The following PIWIL2 variants were observed in gnomAD, a reference collection of about 807,000 sequenced individuals.
PIWIL2 encodes the protein piwi-like protein 2.
Under a neutral mutation model 116.5 loss-of-function variants are expected in PIWIL2, and 81 were observed. The observed-to-expected ratio is 0.70, with a 90% CI of 0.58 to 0.84. The LOEUF (loss-of-function observed/expected upper bound fraction) is 0.84, where lower values mean the gene tolerates loss of function less well. Ranked by LOEUF, PIWIL2 falls within the 40% of genes least tolerant of loss-of-function variation. PIWIL2 has a pLI of 0.00. For synonymous variants in PIWIL2, 489 were observed against 429.5 expected, an observed-to-expected ratio of 1.14 and a Z score of -1.71; for missense variants, 1,272 against 1,212.3, an observed-to-expected ratio of 1.05 and a Z score of -0.73.
At chr8:22,282,244 C>CTTTT (rs34130038) in intron 4 of PIWIL2, among the ~76,000 whole-genome samples, 3 of 33,568 alleles carry the variant, frequency 8.9e-5, no homozygotes, top group South Asian at 1.8e-3. Context: ...CCACACCCGG[C>CTTTT]TTTTTTTTTT....
rs767223031 is a variant in PIWIL2 at position 22,288,475 on chromosome 8, G to A, written c.862-67G>A. 3.8e-6 allele frequency: 5 copies of A among 1,322,116 alleles called. No homozygotes were observed. The South Asian group carries it at 6.5e-5, about 17-fold the overall frequency. 81.9% of individuals were successfully genotyped at this position (1,322,116 alleles called of 1,614,324 possible). A position where few individuals can be genotyped will look rare whatever the true frequency, so the allele number is the denominator to read the frequency against. Reference sequence around the variant, plus strand: ...TGTTCTTAAGAACACAGTTGAATTAGATTAGGACTTGGTCATTAGTTCTTA... The same window carrying A: ...TGTTCTTAAGAACACAGTTGAATTAAATTAGGACTTGGTCATTAGTTCTTA... On this transcript the variant is annotated intron_variant, in intron 7 of 22. Coordinates refer to ENST00000356766, the MANE Select transcript of PIWIL2 (RefSeq NM_018068.5).
In PIWIL2 at chr8:22,278,461, A is replaced by T. The variant is rs113934489; in HGVS notation, c.-46-880A>T. On this transcript the variant is annotated intron_variant, in intron 1 of 22. Coordinates refer to ENST00000356766, the MANE Select transcript of PIWIL2 (RefSeq NM_018068.5). ...CTTGAGCCCAGGAGGTCAAGGCTGC[A>T]GTGAGCCATGATCATGCCACTGCAC... Among the ~76,000 whole-genome samples, 34 of 152,176 alleles carry T rather than the reference A, an allele frequency of 2.2e-4. 1 individual carries two copies. The highest frequency in any genetic ancestry group is 3.4e-3 in the Middle Eastern group (1 of 294).
chr8:22,353,366 G>A (rs1050110523), intron 21 of PIWIL2, among the ~76,000 whole-genome samples, 154 bp downstream of exon 21: 1 of 152,098 alleles, frequency 6.6e-6, no homozygotes, highest in African/African-American at 2.4e-5. Context: ...AAATATTTAA[G>A]GGCCTGGCAT....
At chr8:22,307,796 A>C (rs1306266720) in intron 13 of PIWIL2, 137 bp from the exon 14 acceptor site, 1 of 626,028 alleles carries the variant, frequency 1.6e-6, no homozygotes, top group Non-Finnish European at 2.8e-6. Flanking sequence ...AGATATATTT[A>C]ATAAGTCCTT....
At chr8:22,308,810 G>C (rs1831253223) in intron 14 of PIWIL2, among the ~76,000 whole-genome samples, 1 of 152,050 alleles carries the variant, frequency 6.6e-6, no homozygotes, top group African/African-American at 2.4e-5. Flanking sequence ...CACCATGCCT[G>C]GCTAATTTTT....
intron 15 of PIWIL2, 80 bp downstream of exon 15, chr8:22,310,154 T>G (rs74853495): frequency 0.059 from 43,957 of 744,768 alleles, 1,694 homozygotes; most frequent in Admixed American, 0.11. Flanking sequence ...TGATCTAGAG[T>G]CTTCTTTTTT....
rs748484473 is a variant in PIWIL2 at position 22,314,308 on chromosome 8, A to G, written c.1990-20A>G. The G allele has an allele frequency of 1.4e-6, 2 of 1,405,762 alleles. No homozygotes were observed. Among genetic ancestry groups the G allele is most frequent in the Admixed American group, 2.1e-5 (1 of 46,688 alleles). The allele number at this position is 1,405,762 out of a possible 1,614,324, so 87.1% of individuals were successfully genotyped here. A position where few individuals can be genotyped will look rare whatever the true frequency, so the allele number is the denominator to read the frequency against. ...CAGAGAATTCCACAGCCTGACTTGT[A>G]TATACCTTATCTCCTCAAGGGGAAG... is the stretch of plus-strand genomic sequence containing the variant. On this transcript the variant is annotated intron_variant, in intron 16 of 22. Coordinates refer to ENST00000356766, the MANE Select transcript of PIWIL2 (RefSeq NM_018068.5).
intron 20 of PIWIL2, among the ~76,000 whole-genome samples, chr8:22,344,100 T>C (rs1832171729): frequency 6.6e-6 from 1 of 152,204 alleles, no homozygotes; most frequent in Admixed American, 6.5e-5. Context: ...TAAATACATA[T>C]TGCTCAGTGA....
intron 7 of PIWIL2, among the ~76,000 whole-genome samples, chr8:22,287,927 G>T (rs1440495012): frequency 6.6e-6 from 1 of 152,146 alleles, no homozygotes; most frequent in African/African-American, 2.4e-5. Flanking sequence ...TTTTAGGTTT[G>T]AATTCCTCAA....
intron 7 of PIWIL2, among the ~76,000 whole-genome samples, chr8:22,287,960 G>A (rs1045440183): frequency 1.3e-5 from 2 of 152,178 alleles, no homozygotes; most frequent in African/African-American, 2.4e-5. Context: ...CACATGAGAG[G>A]AATGGTTGGA....
intron 20 of PIWIL2, among the ~76,000 whole-genome samples, chr8:22,341,992 AAAAG>A (rs1175199904): frequency 0.011 from 1,615 of 152,094 alleles, 38 homozygotes; most frequent in African/African-American, 0.036. Flanking sequence ...AAAAAAAAAA[AAAAG>A]GTGAATTTTG....
chr8:22,283,661 G>A (rs759081827), intron 5 of PIWIL2, among the ~76,000 whole-genome samples: 6 of 152,040 alleles, frequency 3.9e-5, no homozygotes, highest in Non-Finnish European at 5.9e-5. Context: ...CACCCGCCTC[G>A]GCCTCCCAAG....
At chr8:22,326,204 C>G (rs1198038513) in intron 20 of PIWIL2, among the ~76,000 whole-genome samples, 1 of 150,364 alleles carries the variant, frequency 6.7e-6, no homozygotes, top group Non-Finnish European at 1.5e-5. Context: ...GTCCTGCTTG[C>G]TTGCTTTAAA....
intron 4 of PIWIL2, among the ~76,000 whole-genome samples, 178 bp downstream of exon 4, chr8:22,281,693 G>C (rs955756306): frequency 1.3e-5 from 2 of 151,808 alleles, no homozygotes; most frequent in African/African-American, 4.8e-5. Flanking sequence ...CATTGGAAAA[G>C]GGTAAGAAGT....
At chr8:22,341,522 G>A (rs527256794) in intron 20 of PIWIL2, among the ~76,000 whole-genome samples, 43 of 150,174 alleles carry the variant, frequency 2.9e-4, no homozygotes, top group Non-Finnish European at 5.7e-4. Flanking sequence ...TTAAACCTGG[G>A]AGGCGAAGGT....
At position 22,287,641 on chromosome 8, in the gene PIWIL2, A is replaced by G; in HGVS notation, c.857A>G (p.Gln286Arg). 1 of 1,571,348 alleles carries G rather than the reference A, an allele frequency of 6.4e-7. No individual in the cohort carries two copies. The highest frequency in any genetic ancestry group is 8.8e-7 in the Non-Finnish European group (1 of 1,140,910). The part of the protein sequence containing the change: ...GSILYLPVKL[Q>R]QVLELKSQRK... Reference sequence around the variant, plus strand: ...ATTCTCTATCTGCCTGTTAAGCTTCAACAAGTGAGACCAAACAGGAAATGG... The same window carrying G: ...ATTCTCTATCTGCCTGTTAAGCTTCGACAAGTGAGACCAAACAGGAAATGG... Residue 286 changes from glutamine to arginine, a missense_variant, in exon 7 of 23, where the codon CAA becomes CGA. By Grantham distance (43) the Gln-to-Arg change is conservative. Transcript: ENST00000356766.
intron 10 of PIWIL2, among the ~76,000 whole-genome samples, chr8:22,291,023 C>CA (rs1418444728): frequency 2.7e-5 from 4 of 149,440 alleles, no homozygotes; most frequent in Non-Finnish European, 6.0e-5. Flanking sequence ...GGCTGGAGTG[C>CA]AGTGGTGCAA....
chr8:22,321,984 C>T (rs1206258725), intron 20 of PIWIL2: 24 of 984,596 alleles, frequency 2.4e-5, no homozygotes, highest in Non-Finnish European at 2.9e-5. Context: ...CCTCTGGACT[C>T]GCATGCAATA....
Position 22,355,402 on chromosome 8 carries a change from T to C in PIWIL2, c.2819T>C (p.Val940Ala). 1 of 1,614,016 alleles carries C rather than the reference T, an allele frequency of 6.2e-7. No homozygotes were observed. The highest frequency in any genetic ancestry group is 1.3e-5 in the African/African-American group (1 of 74,996). ...TGGAATTGGCCTGGCACCATCAGAG[T>C]TCCAGCTCCTTGCAAGTATGCCCAC... ...MYWNWPGTIR[V>A]PAPCKYAHKL... Residue 940 changes from valine to alanine, a missense_variant, in exon 23 of 23, where the codon GTT becomes GCT. By Grantham distance (64) the Val-to-Ala change is moderately conservative (BLOSUM62 0). Transcript: ENST00000356766.
Sources: gnomAD v4.1 joint callset for allele counts (sites outside exome capture counted in the v4.1 genomes callset) on GRCh38, gnomAD v4.1.1 for gene constraint, MANE v1.5 for transcripts, NCBI Gene and HGNC (gene_info 2026-07-23, HGNC 2026-07-21) for gene names.